Variants in NRCAM observed in about 807,000 individuals in gnomAD.
NRCAM encodes neuronal cell adhesion molecule.
Under a neutral mutation model 156.5 loss-of-function variants are expected in NRCAM, and 83 were observed. That is an observed-to-expected ratio of 0.53 (90% CI 0.44 to 0.64). NRCAM has a LOEUF of 0.64. NRCAM is among the 30% of genes least tolerant of loss of function. The probability of loss-of-function intolerance (pLI) is 0.00; values close to 1 mark genes in which losing one functional copy is unlikely to be tolerated. For synonymous variants in NRCAM, 538 were observed against 563.9 expected, an observed-to-expected ratio of 0.95 and a Z score of 0.65; for missense variants, 1,417 against 1,597.3, an observed-to-expected ratio of 0.89 and a Z score of 1.92.
At chr7:108,271,844 C>G (rs1357229367) in intron 3 of NRCAM, among the ~76,000 whole-genome samples, 1 of 152,146 alleles carries the variant, frequency 6.6e-6, no homozygotes, top group Non-Finnish European at 1.5e-5. Flanking sequence ...CACACTCTTC[C>G]TGGCATAACA....
intron 3 of NRCAM, among the ~76,000 whole-genome samples, chr7:108,278,635 A>G (rs12667131): frequency 0.043 from 6,502 of 152,280 alleles, 183 homozygotes; most frequent in South Asian, 0.11. Flanking sequence ...GGGCAGGAGC[A>G]TACCGTTCCT....
intron 2 of NRCAM, among the ~76,000 whole-genome samples, chr7:108,328,986 A>G (rs752038249): frequency 6.6e-6 from 1 of 152,160 alleles, no homozygotes; most frequent in African/African-American, 2.4e-5. Context: ...CTGTCCAATG[A>G]CTCACAACAG....
chr7:108,186,023 C>A (rs1282536681), intron 20 of NRCAM, among the ~76,000 whole-genome samples: 1 of 152,222 alleles, frequency 6.6e-6, no homozygotes, highest in African/African-American at 2.4e-5. Flanking sequence ...TGCATACCCT[C>A]TGCGTCCACT....
At chr7:108,435,286 T>C (rs1212315321) in intron 1 of NRCAM, among the ~76,000 whole-genome samples, 2 of 152,132 alleles carry the variant, frequency 1.3e-5, no homozygotes, top group Admixed American at 6.5e-5. Flanking sequence ...CAGGCACTCA[T>C]AGCAAATTTG....
At position 108,243,754 on chromosome 7, in the gene NRCAM, T is replaced by A. The variant is rs545741545; in HGVS notation, c.-106-3584A>T. Among the ~76,000 whole-genome samples the A allele has an allele frequency of 3.9e-5, 6 of 152,292 alleles. No homozygotes were observed. The South Asian group carries it at 6.2e-4, about 16-fold the overall frequency. On this transcript the variant is annotated intron_variant, in intron 3 of 32. Transcript: ENST00000379028. ...ATATTGCTAAAAGGACTGAGAGTAA[T>A]GATAAAGAGCAAAGCCTTTTCATAT... is the stretch of plus-strand genomic sequence containing the variant.
At chr7:108,451,170 G>C (rs1849846088) in intron 1 of NRCAM, among the ~76,000 whole-genome samples, 1 of 150,060 alleles carries the variant, frequency 6.7e-6, no homozygotes, top group South Asian at 2.1e-4. Flanking sequence ...AGTGAGCCGA[G>C]ACTGCAGCAT....
At chr7:108,218,104 T>C (rs1485881213) in intron 11 of NRCAM, among the ~76,000 whole-genome samples, 1 of 150,872 alleles carries the variant, frequency 6.6e-6, no homozygotes, top group Non-Finnish European at 1.5e-5. Context: ...GGGCAAAGCA[T>C]ACTATCTGGG....
intron 1 of NRCAM, among the ~76,000 whole-genome samples, chr7:108,410,921 T>C (rs1794592264): frequency 6.6e-6 from 1 of 152,246 alleles, no homozygotes; most frequent in Admixed American, 6.5e-5. Flanking sequence ...ATATAACATC[T>C]TTCGTATCAT....
chr7:108,305,836 A>C (rs1468791796), intron 3 of NRCAM, among the ~76,000 whole-genome samples: 1 of 152,230 alleles, frequency 6.6e-6, no homozygotes, highest in Non-Finnish European at 1.5e-5. Context: ...CGTATAATTA[A>C]AAGTTATCTG....
chr7:108,420,045 T>TGTGTGG (rs1807232925), intron 1 of NRCAM, among the ~76,000 whole-genome samples: 1 of 144,986 alleles, frequency 6.9e-6, no homozygotes, highest in Non-Finnish European at 1.5e-5. Context: ...CCATCGTGTG[T>TGTGTGG]GTGTGTGTGT....
chr7:108,391,084 T>C (rs1020937359), intron 2 of NRCAM, among the ~76,000 whole-genome samples: 1 of 152,228 alleles, frequency 6.6e-6, no homozygotes, highest in Non-Finnish European at 1.5e-5. Flanking sequence ...AGATGTCTAT[T>C]AGGTCTGCTT....
chr7:108,387,055 T>C (rs1379517777), intron 2 of NRCAM, among the ~76,000 whole-genome samples: 5 of 152,168 alleles, frequency 3.3e-5, no homozygotes, highest in African/African-American at 9.6e-5. Flanking sequence ...TGTTCTATCC[T>C]CTGAACATGG....
At chr7:108,331,531 T>C (rs2099126736) in intron 2 of NRCAM, among the ~76,000 whole-genome samples, 1 of 152,230 alleles carries the variant, frequency 6.6e-6, no homozygotes, top group Non-Finnish European at 1.5e-5. Flanking sequence ...TCAGTTTCCT[T>C]ATATGTAAAA....
chr7:108,176,986 G>A (rs2060743709), intron 26 of NRCAM, among the ~76,000 whole-genome samples: 1 of 151,946 alleles, frequency 6.6e-6, no homozygotes, highest in African/African-American at 2.4e-5. Flanking sequence ...TTTTCTATTT[G>A]TAGAAAATGC....
chr7:108,287,220 GAAC>G (rs1270569593), intron 3 of NRCAM, among the ~76,000 whole-genome samples: 1 of 151,642 alleles, frequency 6.6e-6, no homozygotes, highest in Non-Finnish European at 1.5e-5. Context: ...TAAAAATATG[GAAC>G]AACTATAAAA....
At chr7:108,203,764 C>A (rs543337652) in intron 13 of NRCAM, among the ~76,000 whole-genome samples, 1 of 152,300 alleles carries the variant, frequency 6.6e-6, no homozygotes, top group East Asian at 1.9e-4. Flanking sequence ...CCCCTGACAA[C>A]AGTAGTTCAG....
chr7:108,303,024 C>T (rs2098653136), intron 3 of NRCAM, among the ~76,000 whole-genome samples: 1 of 152,104 alleles, frequency 6.6e-6, no homozygotes, highest in Non-Finnish European at 1.5e-5. Context: ...TGCAGTGGCT[C>T]CATCTTGGCT....
At chr7:108,407,852 G>A (rs1261841634) in intron 1 of NRCAM, among the ~76,000 whole-genome samples, 1 of 152,152 alleles carries the variant, frequency 6.6e-6, no homozygotes, top group Admixed American at 6.5e-5. Context: ...AGTTTGTTGT[G>A]TTTAATTATA....
chr7:108,250,057 G>A (rs1384523224), intron 3 of NRCAM, among the ~76,000 whole-genome samples: 9 of 152,100 alleles, frequency 5.9e-5, no homozygotes, highest in Non-Finnish European at 1.0e-4. Context: ...AGTCATCTAC[G>A]TGTCCATCAA....
Sources: allele counts gnomAD v4.1 joint callset (sites outside exome capture counted in the v4.1 genomes callset), GRCh38; gene constraint gnomAD v4.1.1; transcripts MANE v1.5; gene names NCBI Gene and HGNC (gene_info 2026-07-23, HGNC 2026-07-21).